EFCAB11: variants seen among roughly 807,000 people sequenced by gnomAD.
EFCAB11 encodes EF-hand calcium binding domain 11, also known as EF-hand calcium-binding domain-containing protein 11.
Under a neutral mutation model 23.0 loss-of-function variants are expected in EFCAB11, and 14 were observed. The observed-to-expected ratio is 0.61, with a 90% CI of 0.40 to 0.95. EFCAB11 has a LOEUF of 0.95. Among genes scored for constraint, EFCAB11 ranks in the 40% least tolerant of loss-of-function variants. The pLI, the probability that EFCAB11 is intolerant of heterozygous loss-of-function variation, is 0.00. For synonymous variants in EFCAB11, 65 were observed against 66.6 expected (o/e 0.98, Z 0.11); for missense variants, 198 against 195.8 (o/e 1.01, Z -0.07).
chr14:89,909,547 C>G (rs1183789295), intron 5 of EFCAB11, among the ~76,000 whole-genome samples: 2 of 152,204 alleles, frequency 1.3e-5, no homozygotes, highest in Non-Finnish European at 2.9e-5. Flanking sequence ...CGCCATTGCA[C>G]TTCAGCCTGG....
At chr14:89,838,629 C>T (rs1358175524) in intron 5 of EFCAB11, among the ~76,000 whole-genome samples, 1 of 151,620 alleles carries the variant, frequency 6.6e-6, no homozygotes, top group Admixed American at 6.6e-5. Flanking sequence ...TCAAAGAAAC[C>T]CAACAGATAT....
intron 5 of EFCAB11, among the ~76,000 whole-genome samples, chr14:89,893,015 G>A (rs1889029333): frequency 6.6e-6 from 1 of 152,228 alleles, no homozygotes; most frequent in African/African-American, 2.4e-5. Context: ...ATCCCACCTT[G>A]CAGGGAGGTG....
intron 5 of EFCAB11, among the ~76,000 whole-genome samples, chr14:89,882,863 T>C (rs1888644296): frequency 6.6e-6 from 1 of 152,116 alleles, no homozygotes; most frequent in Non-Finnish European, 1.5e-5. Flanking sequence ...TGGGAGGTGT[T>C]TGGGTCCTGG....
chr14:89,809,446 C>T (rs1173858807), intron 5 of EFCAB11, among the ~76,000 whole-genome samples: 4 of 151,960 alleles, frequency 2.6e-5, no homozygotes, highest in African/African-American at 9.7e-5. Context: ...TGCCTCCAGG[C>T]AGGGCCACAT....
At chr14:89,832,786 A>C (rs1207726227) in intron 5 of EFCAB11, among the ~76,000 whole-genome samples, 1 of 152,228 alleles carries the variant, frequency 6.6e-6, no homozygotes, top group Non-Finnish European at 1.5e-5. Flanking sequence ...TGTACTGAAA[A>C]TGAAAAACAG....
At position 89,937,375 on chromosome 14, in the gene EFCAB11, T is replaced by C. The variant is rs182113353; in HGVS notation, c.218-4748A>G. Among the ~76,000 whole-genome samples, 22 of 152,296 alleles carry C rather than the reference T, an allele frequency of 1.4e-4. No individual in the cohort carries two copies. The East Asian group carries it at 3.9e-3, about 27-fold the overall frequency. ...GAATGTGTCCCCAAAGGATCTAGGA[T>C]TGAGGTTTGTGGTTTAAAGACCACT... On this transcript the variant is annotated intron_variant, in intron 3 of 5. Transcript: ENST00000316738.
At chr14:89,850,237 C>T (rs1887562544) in intron 5 of EFCAB11, among the ~76,000 whole-genome samples, 1 of 152,154 alleles carries the variant, frequency 6.6e-6, no homozygotes, top group African/African-American at 2.4e-5. Flanking sequence ...GTCCTGTGCA[C>T]ACACACACAC....
intron 5 of EFCAB11, among the ~76,000 whole-genome samples, chr14:89,856,165 T>C (rs1180651073): frequency 6.6e-6 from 1 of 150,958 alleles, no homozygotes; most frequent in Non-Finnish European, 1.5e-5. Flanking sequence ...CATATGGTAG[T>C]TCTATTTTTA....
In EFCAB11 at chr14:89,938,771, A is replaced by G. The variant is rs965716570; in HGVS notation, c.218-6144T>C. ...ACCTTGTCTCTACTAAAAACACAAA[A>G]ACTAGCCAGGTGAGGTGGTGCCGCA... On this transcript the variant is annotated intron_variant, in intron 3 of 5. Transcript: ENST00000316738. 4.0e-5 allele frequency among the ~76,000 whole-genome samples: 6 copies of G among 151,832 alleles called. No individual in the cohort carries two copies. The South Asian group carries it at 6.2e-4, about 16-fold the overall frequency.
At chr14:89,809,514 T>A (rs181118738) in intron 5 of EFCAB11, among the ~76,000 whole-genome samples, 34 of 152,288 alleles carry the variant, frequency 2.2e-4, no homozygotes, top group African/African-American at 7.5e-4. Context: ...TTAAAGACAT[T>A]AAGTGTTGAT....
intron 5 of EFCAB11, among the ~76,000 whole-genome samples, chr14:89,925,983 C>A (rs1890181006): frequency 6.6e-6 from 1 of 152,162 alleles, no homozygotes; most frequent in African/African-American, 2.4e-5. Flanking sequence ...TATGCACCAC[C>A]ATGCTGGGAT....
intron 5 of EFCAB11, among the ~76,000 whole-genome samples, chr14:89,881,232 T>A (rs1202820853): frequency 6.6e-6 from 1 of 151,312 alleles, no homozygotes; most frequent in African/African-American, 2.4e-5. Context: ...TCACACCATA[T>A]CCCCAACTGC....
chr14:89,913,943 T>C (rs1279185352), intron 5 of EFCAB11, among the ~76,000 whole-genome samples: 1 of 152,222 alleles, frequency 6.6e-6, no homozygotes, highest in Non-Finnish European at 1.5e-5. Flanking sequence ...TCAGGCTCTC[T>C]GGGAATTCAT....
In EFCAB11 at chr14:89,940,108, G is replaced by A. The variant is rs1333690844; in HGVS notation, c.218-7481C>T. Among the ~76,000 whole-genome samples, 3 of 152,168 alleles carry A rather than the reference G, an allele frequency of 2.0e-5. No individual in the cohort carries two copies. In the South Asian group the frequency reaches 6.2e-4, roughly 32 times the overall value. ...CTCCTAATTCTTCCCCATCTGTATA[G>A]TGAAACATATTCACTGTTTTCTAAA... On this transcript the variant is annotated intron_variant, in intron 3 of 5. Transcript: ENST00000316738.
At chr14:89,815,465 C>T (rs1487453814) in intron 5 of EFCAB11, among the ~76,000 whole-genome samples, 1 of 151,706 alleles carries the variant, frequency 6.6e-6, no homozygotes, top group East Asian at 1.9e-4. Context: ...CTTGTTCTGT[C>T]GCCCAGGCTG....
Position 89,801,155 on chromosome 14 carries a change from G to A in EFCAB11, c.411-3831C>T, listed in dbSNP as rs186722249. Among the ~76,000 whole-genome samples the A allele has an allele frequency of 4.6e-5, 7 of 152,264 alleles. No homozygotes were observed. The East Asian group carries it at 9.6e-4, about 21-fold the overall frequency. On this transcript the variant is annotated intron_variant, in intron 5 of 5. Coordinates refer to ENST00000316738, the MANE Select transcript of EFCAB11 (RefSeq NM_145231.4). ...AGACAAGAGAGGGTACAGGCACAGG[G>A]AGATGCCATATAAGAACAGTCATGA... is the stretch of plus-strand genomic sequence containing the variant.
chr14:89,889,836 T>A (rs1488796195), intron 5 of EFCAB11, among the ~76,000 whole-genome samples: 3 of 152,206 alleles, frequency 2.0e-5, no homozygotes, highest in Admixed American at 1.3e-4. Context: ...GTGTTCTCTG[T>A]GACTCCACTG....
chr14:89,882,533 T>A (rs549137151), intron 5 of EFCAB11, among the ~76,000 whole-genome samples: 6 of 152,296 alleles, frequency 3.9e-5, no homozygotes, highest in African/African-American at 9.6e-5. Flanking sequence ...CTTCTCTCAC[T>A]CTCTCTCTTT....
chr14:89,894,526 C>T (rs945288771), intron 5 of EFCAB11, among the ~76,000 whole-genome samples: 1 of 147,260 alleles, frequency 6.8e-6, no homozygotes, highest in African/African-American at 2.5e-5. Flanking sequence ...ATAAACTAGA[C>T]CAGATAAGAA....
Sources: gnomAD v4.1 joint callset for allele counts (sites outside exome capture counted in the v4.1 genomes callset) on GRCh38, gnomAD v4.1.1 for gene constraint, MANE v1.5 for transcripts, NCBI Gene and HGNC (gene_info 2026-07-23, HGNC 2026-07-21) for gene names.